Variants in NRXN2 observed in about 807,000 individuals in gnomAD.
NRXN2 encodes neurexin-2-beta.
NRXN2 carries 29 observed loss-of-function variants against 128.8 expected under a neutral mutation model. The observed-to-expected ratio is 0.23, with a 90% CI of 0.17 to 0.31. The LOEUF is 0.31. Among genes scored for constraint, NRXN2 ranks in the 10% least tolerant of loss-of-function variants. The probability of loss-of-function intolerance (pLI) is 1.00; values close to 1 mark genes in which losing one functional copy is unlikely to be tolerated. For missense variants in NRXN2, 1,881 were observed against 2,452.6 expected (o/e 0.77, Z 4.92); for synonymous variants, 1,098 against 1,075.2 (o/e 1.02, Z -0.41).
rs1389505957 is a variant in NRXN2, at chr11:64,661,444, T to C, written c.1799-305A>G. 17 of 1,279,124 alleles carry C rather than the reference T, an allele frequency of 1.3e-5. 1 individual carries two copies. In the South Asian group the frequency reaches 2.1e-4, roughly 16 times the overall value. The allele number at this position is 1,279,124 out of a possible 1,614,324, so 79.2% of individuals were successfully genotyped here. A position where few individuals can be genotyped will look rare whatever the true frequency, so the allele number is the denominator to read the frequency against. On this transcript the variant is annotated intron_variant, in intron 9 of 22. Coordinates refer to ENST00000265459, the MANE Select transcript of NRXN2 (RefSeq NM_015080.4). ...AAGTCCTCAGAGGATAGGCAGGAAG[T>C]GGGCATGCCGAAATCTTGAGCTCGG...
At chr11:64,707,050 C>G (rs1315372788) in intron 2 of NRXN2, among the ~76,000 whole-genome samples, 2 of 150,186 alleles carry the variant, frequency 1.3e-5, no homozygotes, top group African/African-American at 4.9e-5. Context: ...CTCCTGGGTT[C>G]AAGTGCCCAG....
chr11:64,670,401 A>C (rs1233255930), intron 7 of NRXN2, among the ~76,000 whole-genome samples: 1 of 152,132 alleles, frequency 6.6e-6, no homozygotes, highest in African/African-American at 2.4e-5. Context: ...AAACGAGATT[A>C]GACCTGGCAG....
At position 64,650,603 on chromosome 11, in the gene NRXN2, G is replaced by A. The variant is rs1379126355; in HGVS notation, c.2954C>T (p.Pro985Leu). ...GTCTGAGTTCCCCTTCATCAAGGAC[G>A]GGCCATTCCCCAGGTCAAACACGTA... ...IHYVFDLGNG[P>L]SLMKGNSDKP... The change falls in exon 15 of 23, where the codon CCG becomes CTG. Residue 985 changes from proline (P) to leucine (L), a missense_variant. Coordinates refer to ENST00000265459, the MANE Select transcript of NRXN2 (RefSeq NM_015080.4). 7 of 1,614,134 alleles carry A rather than the reference G, an allele frequency of 4.3e-6. No homozygotes were observed. The highest frequency in any genetic ancestry group is 1.6e-4 in the Middle Eastern group (1 of 6,062).
In NRXN2 at chr11:64,651,002, G is replaced by A. The variant is rs891704588; in HGVS notation, c.2918+253C>T. 1.3e-5 allele frequency among the ~76,000 whole-genome samples: 2 copies of A among 152,170 alleles called. No homozygotes were observed. Among genetic ancestry groups the A allele is most frequent in the African/African-American group, 2.4e-5 (1 of 41,424 alleles). On this transcript the variant is annotated intron_variant, in intron 14 of 22. Coordinates refer to ENST00000265459, the MANE Select transcript of NRXN2 (RefSeq NM_015080.4). This position sits in a 1 kb window ranked among gnomAD's most constrained non-coding sequence, Gnocchi z 5.9. ...AAGACTGACTTCTGCCTGTAGAGAA[G>A]GTGACAGTGGACAGAGAACAGATAT...
intron 11 of NRXN2, among the ~76,000 whole-genome samples, chr11:64,657,599 T>C (rs751222630): frequency 6.6e-5 from 10 of 151,920 alleles, no homozygotes; most frequent in Non-Finnish European, 1.3e-4. Flanking sequence ...ATTTTAAAGA[T>C]TAAAAAAAAG....
intron 22 of NRXN2, among the ~76,000 whole-genome samples, chr11:64,619,986 T>A (rs1381975603): frequency 6.6e-6 from 1 of 152,078 alleles, no homozygotes; most frequent in East Asian, 1.9e-4. Context: ...CCCCAGGGAC[T>A]CATGGGAGCT....
Position 64,648,665 on chromosome 11 carries a change from G to T in NRXN2, c.3283+69C>A. 1 of 1,593,830 alleles carries T rather than the reference G, an allele frequency of 6.3e-7. No homozygotes were observed. Among genetic ancestry groups the T allele is most frequent in the Non-Finnish European group, 8.6e-7 (1 of 1,163,462 alleles). On this transcript the variant is annotated intron_variant, in intron 16 of 22. Coordinates refer to ENST00000265459, the MANE Select transcript of NRXN2 (RefSeq NM_015080.4). The surrounding 1 kb of genome is among the most constrained non-coding windows in gnomAD (Gnocchi z 4.1). ...TGGCAGAGCAAAGGCTACCTGCCCC[G>T]GTCTGCCTCTGCAGCTGGCCATCCT...
At position 64,607,525 on chromosome 11, in the gene NRXN2, G is replaced by C; in HGVS notation, c.4810C>G (p.Pro1604Ala). 6.3e-7 allele frequency: 1 copy of C among 1,584,240 alleles called. No homozygotes were observed. Among genetic ancestry groups the C allele is most frequent in the Non-Finnish European group, 8.6e-7 (1 of 1,168,376 alleles). ...GCTGTGGGCAGATGGGGGAAGCCGGGGGCTGAGGTCACGCCGGGGCGCAGG... is the reference window on the plus strand; with the variant it reads ...GCTGTGGGCAGATGGGGGAAGCCGGCGGCTGAGGTCACGCCGGGGCGCAGG... ...PPLRPGVTSA[P>A]GFPHLPTANP... The change falls in exon 23 of 23, where the codon CCC becomes GCC. Residue 1604 changes from proline to alanine, a missense_variant. Transcript: ENST00000265459.
rs1283517539 is a variant in NRXN2 at position 64,620,272 on chromosome 11, G to A, written c.4252+22C>T. ...AGCATCGCAGAGGGACCCGGGGCAG[G>A]GGAGGGGGGAAAGGCACTCACCAGT... On this transcript the variant is annotated intron_variant, in intron 22 of 22. Transcript: ENST00000265459. 6 of 1,540,068 alleles carry A rather than the reference G, an allele frequency of 3.9e-6. No homozygotes were observed. The East Asian group carries it at 1.5e-4, about 38-fold the overall frequency.
At position 64,651,129 on chromosome 11, in the gene NRXN2, G is replaced by A. The variant is rs759042819; in HGVS notation, c.2918+126C>T. ...GGGAGCCTCTCGACTTACGGTCGGG[G>A]ACCTGAATCTTGACTTGTGATCTGG... On this transcript the variant is annotated intron_variant, in intron 14 of 22. Coordinates refer to ENST00000265459, the MANE Select transcript of NRXN2 (RefSeq NM_015080.4). The surrounding 1 kb of genome is among the most constrained non-coding windows in gnomAD (Gnocchi z 5.9). 1.4e-5 allele frequency: 19 copies of A among 1,319,042 alleles called. No individual in the cohort carries two copies. In the African/African-American group the frequency reaches 2.3e-4, roughly 16 times the overall value. The allele number at this position is 1,319,042 out of a possible 1,614,324, so 81.7% of individuals were successfully genotyped here.
chr11:64,674,395 T>C (rs1296696880), intron 7 of NRXN2, among the ~76,000 whole-genome samples: 1 of 152,122 alleles, frequency 6.6e-6, no homozygotes, highest in African/African-American at 2.4e-5. Flanking sequence ...TTTCACCATG[T>C]TGGCCAGGCT....
chr11:64,697,911 C>A (rs576864311), intron 2 of NRXN2, 119 bp from the exon 3 acceptor site: 55 of 1,184,742 alleles, frequency 4.6e-5, no homozygotes, highest in Non-Finnish European at 6.7e-5. Flanking sequence ...CCCACCCAGG[C>A]CCTGACATGA....
At chr11:64,656,384 CGGGAATTTCACAATAAGT>C (rs3216873) in intron 11 of NRXN2, among the ~76,000 whole-genome samples, 5 of 150,480 alleles carry the variant, frequency 3.3e-5, no homozygotes, top group Admixed American at 6.6e-5. Context: ...GCAGAACTAA[CGGGAATTTCACAATAAGT>C]GGGAATTTCA....
chr11:64,692,286 A>C (rs1330755990), intron 4 of NRXN2, among the ~76,000 whole-genome samples: 1 of 152,120 alleles, frequency 6.6e-6, no homozygotes, highest in South Asian at 2.1e-4. Context: ...GGGAGCGCAC[A>C]CTGTGGAAAC....
At chr11:64,625,919 T>C (rs576386294) in intron 20 of NRXN2, among the ~76,000 whole-genome samples, 1 of 152,148 alleles carries the variant, frequency 6.6e-6, no homozygotes, top group Non-Finnish European at 1.5e-5. Flanking sequence ...CACAGCACTC[T>C]CTTTGGGGGT....
intron 3 of NRXN2, among the ~76,000 whole-genome samples, chr11:64,693,838 T>A (rs759600921): frequency 2.0e-5 from 3 of 151,982 alleles, no homozygotes; most frequent in Non-Finnish European, 4.4e-5. Context: ...CTCTGAAAGG[T>A]CCAAGTACAT....
chr11:64,624,209 C>A (rs999840332), intron 20 of NRXN2, among the ~76,000 whole-genome samples: 4 of 152,134 alleles, frequency 2.6e-5, no homozygotes, highest in Non-Finnish European at 5.9e-5. Flanking sequence ...TGCCTGTAAG[C>A]CTTGCCCCCA....
intron 6 of NRXN2, among the ~76,000 whole-genome samples, chr11:64,677,265 G>A (rs530484545): frequency 4.1e-4 from 62 of 152,178 alleles, no homozygotes; most frequent in African/African-American, 1.5e-3. Context: ...TTATAATGGG[G>A]GGAGGAGAAA....
At chr11:64,717,063 G>C (rs949371847) in intron 1 of NRXN2, among the ~76,000 whole-genome samples, 1 of 152,162 alleles carries the variant, frequency 6.6e-6, no homozygotes. Flanking sequence ...CTGGAACTTA[G>C]CAGCAACCCT....
Sources: gnomAD v4.1 joint callset for allele counts (sites outside exome capture counted in the v4.1 genomes callset) on GRCh38, gnomAD v4.1.1 for gene constraint, Gnocchi (gnomAD v3.1) non-coding constraint, MANE v1.5 for transcripts, NCBI Gene and HGNC (gene_info 2026-07-23, HGNC 2026-07-21) for gene names.